Variants in MARK1 observed in about 807,000 individuals in gnomAD.
The protein encoded by MARK1 is serine/threonine-protein kinase MARK1.
A neutral mutation model predicts 96.3 loss-of-function variants in MARK1; 40 were observed. The ratio of observed to expected loss-of-function variants is 0.42; its 90% CI spans 0.32 to 0.54. MARK1 has a LOEUF of 0.54. Ranked by LOEUF, MARK1 falls within the 20% of genes least tolerant of loss-of-function variation. MARK1 has a pLI of 0.16. For missense variants in MARK1, 719 were observed against 984.6 expected, an observed-to-expected ratio of 0.73 and a Z score of 3.61; for synonymous variants, 317 against 341.2, an observed-to-expected ratio of 0.93 and a Z score of 0.78.
chr1:220,656,974 A>G (rs947157296), intron 16 of MARK1, among the ~76,000 whole-genome samples: 1 of 152,168 alleles, frequency 6.6e-6, no homozygotes, highest in African/African-American at 2.4e-5. Flanking sequence ...TTTTACATAA[A>G]TAATAGAAAT....
intron 12 of MARK1, 109 bp from the exon 13 acceptor site, chr1:220,635,724 A>C: frequency 8.7e-7 from 1 of 1,155,686 alleles, no homozygotes; most frequent in Non-Finnish European, 1.2e-6. Flanking sequence ...CTTCGTTCAG[A>C]GTTTAAAGCA....
chr1:220,592,059 T>C (rs913815646), intron 3 of MARK1, among the ~76,000 whole-genome samples: 1 of 151,920 alleles, frequency 6.6e-6, no homozygotes, highest in Non-Finnish European at 1.5e-5. Context: ...TTATGTAAAA[T>C]TTGTATTGGA....
chr1:220,554,351 A>G (rs1258723680), intron 1 of MARK1, among the ~76,000 whole-genome samples: 1 of 151,912 alleles, frequency 6.6e-6, no homozygotes, highest in South Asian at 2.1e-4. Flanking sequence ...GGGCAGTTTT[A>G]CCTCCCAGGG....
intron 17 of MARK1, 81 bp from the exon 18 acceptor site, chr1:220,661,731 A>G: frequency 9.5e-7 from 1 of 1,048,240 alleles, no homozygotes; most frequent in Non-Finnish European, 1.4e-6. Context: ...AACTATGACC[A>G]CTTAGATTTT....
At chr1:220,608,980 G>T (rs1666263628) in intron 6 of MARK1, among the ~76,000 whole-genome samples, 1 of 152,204 alleles carries the variant, frequency 6.6e-6, no homozygotes, top group Non-Finnish European at 1.5e-5. Context: ...TTCCAAGTAT[G>T]TGGACGGTTT....
chr1:220,625,543 A>T (rs1667276826), intron 9 of MARK1, among the ~76,000 whole-genome samples: 1 of 152,236 alleles, frequency 6.6e-6, no homozygotes, highest in African/African-American at 2.4e-5. Flanking sequence ...GAAAGGTCCC[A>T]GGCTTTATGT....
chr1:220,528,900 G>A (rs1347478343), intron 1 of MARK1, 27 bp downstream of exon 1: 1 of 1,548,988 alleles, frequency 6.5e-7, no homozygotes, highest in East Asian at 2.5e-5. Flanking sequence ...TCCCTCGGGA[G>A]CAGTGGGGGC....
intron 9 of MARK1, among the ~76,000 whole-genome samples, chr1:220,622,773 TAC>T (rs1344888382): frequency 1.3e-5 from 2 of 152,090 alleles, no homozygotes; most frequent in Non-Finnish European, 2.9e-5. Flanking sequence ...TAGTCCTAGC[TAC>T]TCGGGAGGCT....
chr1:220,636,675 AT>A (rs1667982092), intron 13 of MARK1, among the ~76,000 whole-genome samples: 1 of 152,096 alleles, frequency 6.6e-6, no homozygotes, highest in Admixed American at 6.5e-5. Context: ...AAGAAAACCT[AT>A]TCCTGGACTC....
intron 9 of MARK1, among the ~76,000 whole-genome samples, chr1:220,620,504 A>G (rs1043853455): frequency 3.3e-5 from 5 of 152,184 alleles, no homozygotes; most frequent in Admixed American, 3.3e-4. Flanking sequence ...GCAGAGCAAA[A>G]AGAACATACA....
At chr1:220,547,126 C>T (rs1349675628) in intron 1 of MARK1, among the ~76,000 whole-genome samples, 1 of 152,156 alleles carries the variant, frequency 6.6e-6, no homozygotes, top group East Asian at 1.9e-4. Context: ...TACCTACTTA[C>T]CTGTAAACTG....
At chr1:220,658,758 T>C (rs1669311548) in intron 17 of MARK1, among the ~76,000 whole-genome samples, 1 of 152,216 alleles carries the variant, frequency 6.6e-6, no homozygotes, top group South Asian at 2.1e-4. Flanking sequence ...TGGAAAACTA[T>C]AGCATTCCCA....
rs17007924 is a variant in MARK1, at chr1:220,556,079, A to G, written c.52-23275A>G. Among the ~76,000 whole-genome samples, 1,304 of 152,344 alleles carry G rather than the reference A, an allele frequency of 8.6e-3. 16 individuals carry two copies. Among genetic ancestry groups the G allele is most frequent in the African/African-American group, 0.029 (1,194 of 41,582 alleles). ...ATTCCTCAGGGCTTTTTGATCCAGCATAAGAGTTGGGACATGTAGCTCTAA... is the reference window on the plus strand; with the variant it reads ...ATTCCTCAGGGCTTTTTGATCCAGCGTAAGAGTTGGGACATGTAGCTCTAA... On this transcript the variant is annotated intron_variant, in intron 1 of 17. Coordinates refer to ENST00000366917, the MANE Select transcript of MARK1 (RefSeq NM_018650.5).
chr1:220,643,060 T>A (rs1668370125), intron 13 of MARK1, among the ~76,000 whole-genome samples: 1 of 148,478 alleles, frequency 6.7e-6, no homozygotes, highest in Non-Finnish European at 1.5e-5. Context: ...TCCAAATAAT[T>A]GCAACACCTC....
intron 1 of MARK1, among the ~76,000 whole-genome samples, chr1:220,565,865 T>G (rs1663015464): frequency 6.6e-6 from 1 of 152,178 alleles, no homozygotes; most frequent in Non-Finnish European, 1.5e-5. Context: ...AGATGAAAGC[T>G]GATAACACTC....
chr1:220,569,607 A>C (rs1309935532), intron 1 of MARK1, among the ~76,000 whole-genome samples: 1 of 151,914 alleles, frequency 6.6e-6, no homozygotes, highest in Non-Finnish European at 1.5e-5. Context: ...ACTCCTAGAG[A>C]TTCAGCTTTA....
intron 3 of MARK1, among the ~76,000 whole-genome samples, chr1:220,593,442 GA>G (rs2102886136): frequency 6.6e-6 from 1 of 152,136 alleles, no homozygotes; most frequent in African/African-American, 2.4e-5. Context: ...TTAAAACCTA[GA>G]ATCATCAGAT....
chr1:220,558,557 A>C (rs921431095), intron 1 of MARK1, among the ~76,000 whole-genome samples: 1 of 152,094 alleles, frequency 6.6e-6, no homozygotes, highest in Non-Finnish European at 1.5e-5. Flanking sequence ...CTGACATATC[A>C]ATATTAATAT....
intron 4 of MARK1, 75 bp downstream of exon 4, chr1:220,598,454 T>G (rs1351755603): frequency 4.7e-6 from 1 of 213,188 alleles, no homozygotes; most frequent in African/African-American, 2.4e-5. Context: ...TTTGAGGGTA[T>G]TTGAAAAGAC....
Sources: allele counts gnomAD v4.1 joint callset (sites outside exome capture counted in the v4.1 genomes callset), GRCh38; gene constraint gnomAD v4.1.1; transcripts MANE v1.5; gene names NCBI Gene and HGNC (gene_info 2026-07-23, HGNC 2026-07-21).